STXBP6: variants seen among roughly 807,000 people sequenced by gnomAD.
The protein encoded by STXBP6 is syntaxin-binding protein 6.
STXBP6 carries 21 observed loss-of-function variants against 26.9 expected under a neutral mutation model. The observed-to-expected ratio is 0.78, with a 90% CI of 0.55 to 1.12. The LOEUF is 1.12. STXBP6 is among the 50% of genes most tolerant of loss of function. The pLI is 0.00. For synonymous variants in STXBP6, 97 were observed against 92.6 expected, an observed-to-expected ratio of 1.05 and a Z score of -0.27; for missense variants, 232 against 257.9, an observed-to-expected ratio of 0.90 and a Z score of 0.69.
chr14:24,847,741 C>A (rs1024255242), intron 4 of STXBP6, among the ~76,000 whole-genome samples: 2 of 152,132 alleles, frequency 1.3e-5, no homozygotes, highest in African/African-American at 4.8e-5. Context: ...TATTTCCATT[C>A]TCTTGTAAAG....
At chr14:25,037,402 A>C (rs951517743) in intron 1 of STXBP6, among the ~76,000 whole-genome samples, 2 of 152,166 alleles carry the variant, frequency 1.3e-5, no homozygotes, top group East Asian at 3.8e-4. Flanking sequence ...TGACTTTTAA[A>C]TCATGTTCTC....
intron 2 of STXBP6, among the ~76,000 whole-genome samples, chr14:24,972,320 T>C (rs1248053732): frequency 2.0e-5 from 3 of 152,214 alleles, no homozygotes; most frequent in Non-Finnish European, 4.4e-5. Flanking sequence ...CAGGTCATTA[T>C]CTTCTATGGC....
chr14:25,009,603 G>A (rs940793267), intron 1 of STXBP6, among the ~76,000 whole-genome samples: 29 of 152,082 alleles, frequency 1.9e-4, no homozygotes, highest in African/African-American at 7.0e-4. Context: ...TCGCCACAAC[G>A]TCACCTACTC....
intron 1 of STXBP6, among the ~76,000 whole-genome samples, chr14:24,983,941 TTAAAG>T (rs2074263337): frequency 6.6e-6 from 1 of 152,228 alleles, no homozygotes; most frequent in South Asian, 2.1e-4. Context: ...CAAAACTTCT[TTAAAG>T]TATTCTCTAA....
At chr14:25,004,890 C>G (rs1233940652) in intron 1 of STXBP6, among the ~76,000 whole-genome samples, 14 of 152,158 alleles carry the variant, frequency 9.2e-5, no homozygotes, top group African/African-American at 3.4e-4. Context: ...GGCCTAGGAG[C>G]ATAAATATCC....
In STXBP6 at chr14:24,966,389, G is replaced by GAA. The variant is rs5807270; in HGVS notation, c.154+8274_154+8275dup. Among the ~76,000 whole-genome samples the GAA allele has an allele frequency of 8.4e-4, 119 of 142,402 alleles. 3 individuals carry two copies. Among genetic ancestry groups the GAA allele is most frequent in the Admixed American group, 5.0e-3 (71 of 14,158 alleles). 93.4% of individuals were successfully genotyped at this position (142,402 alleles called of 152,430 possible). ...GTTCTCCAGATCTAGCCCTGTCTTG[G>GAA]AAAAAAAAAAAAAAAATGACAAGTG... is the stretch of plus-strand genomic sequence containing the variant. On this transcript the variant is annotated intron_variant, in intron 2 of 5. Coordinates refer to ENST00000323944, the MANE Select transcript of STXBP6 (RefSeq NM_001394410.1).
intron 1 of STXBP6, among the ~76,000 whole-genome samples, chr14:24,990,871 G>A (rs952863609): frequency 1.3e-5 from 2 of 151,620 alleles, no homozygotes; most frequent in Non-Finnish European, 2.9e-5. Flanking sequence ...AGGAGGGAGA[G>A]AGAGGAAGAG....
At chr14:24,984,394 G>A (rs1331756964) in intron 1 of STXBP6, among the ~76,000 whole-genome samples, 1 of 152,134 alleles carries the variant, frequency 6.6e-6, no homozygotes, top group Non-Finnish European at 1.5e-5. Flanking sequence ...CCAACATGAC[G>A]TCTTCACAGC....
chr14:24,917,899 G>GAC (rs149065539), intron 2 of STXBP6, among the ~76,000 whole-genome samples: 2,062 of 152,134 alleles, frequency 0.014, 51 homozygotes, highest in African/African-American at 0.046. Context: ...ATCCTTGCCG[G>GAC]ACTTCCTCCT....
At chr14:24,910,948 T>C (rs1011240815) in intron 2 of STXBP6, among the ~76,000 whole-genome samples, 6 of 152,118 alleles carry the variant, frequency 3.9e-5, no homozygotes, top group Non-Finnish European at 5.9e-5. Flanking sequence ...CTGTTATCTG[T>C]AACATTAAAA....
At chr14:25,034,446 T>C (rs1385481598) in intron 1 of STXBP6, among the ~76,000 whole-genome samples, 1 of 152,218 alleles carries the variant, frequency 6.6e-6, no homozygotes, top group East Asian at 1.9e-4. Flanking sequence ...ATGCAGTCGC[T>C]CATACTGATG....
At chr14:25,000,590 C>A (rs769624033) in intron 1 of STXBP6, among the ~76,000 whole-genome samples, 2 of 151,126 alleles carry the variant, frequency 1.3e-5, no homozygotes, top group Non-Finnish European at 3.0e-5. Flanking sequence ...AAAACCAGAA[C>A]CTTCTTCCCT....
At chr14:24,882,407 A>AAAAAAAAAAAAAAAC (rs2070404374) in intron 2 of STXBP6, among the ~76,000 whole-genome samples, 1 of 145,580 alleles carries the variant, frequency 6.9e-6, no homozygotes, top group East Asian at 2.0e-4. Flanking sequence ...AAAAAAAAAA[A>AAAAAAAAAAAAAAAC]AAAAAAAGAG....
At chr14:24,866,103 C>T (rs997657860) in intron 2 of STXBP6, among the ~76,000 whole-genome samples, 1 of 152,074 alleles carries the variant, frequency 6.6e-6, no homozygotes. Flanking sequence ...AATCTGTGGA[C>T]TTTGAGTAAA....
chr14:24,855,904 G>A (rs968636037), intron 4 of STXBP6, 32 bp downstream of exon 4: 3 of 1,564,958 alleles, frequency 1.9e-6, no homozygotes, highest in Admixed American at 2.0e-5. Context: ...TAAAGAAACA[G>A]GATGACTAAA....
chr14:24,843,934 A>G (rs2068861827), intron 4 of STXBP6, among the ~76,000 whole-genome samples: 1 of 152,174 alleles, frequency 6.6e-6, no homozygotes, highest in Admixed American at 6.5e-5. Flanking sequence ...TGAGTTTATG[A>G]GGTGACTTTT....
chr14:24,917,665 T>A (rs2071816744), intron 2 of STXBP6, among the ~76,000 whole-genome samples: 1 of 152,022 alleles, frequency 6.6e-6, no homozygotes, highest in Non-Finnish European at 1.5e-5. Flanking sequence ...GAAAAAGACA[T>A]AGATAACAAT....
intron 5 of STXBP6, among the ~76,000 whole-genome samples, chr14:24,818,540 C>T (rs551177945): frequency 1.2e-4 from 18 of 152,262 alleles, no homozygotes; most frequent in African/African-American, 3.6e-4. Flanking sequence ...GAAAACTAGC[C>T]CCGAGGTGCG....
Position 24,867,076 on chromosome 14 carries a change from T to C in STXBP6, c.155-9919A>G, listed in dbSNP as rs79633466. ...AATTCATGTTAAAACTTAATCCCCATTGCAACAGTATTAAGAGTTGGGCCC... is the reference window on the plus strand; with the variant it reads ...AATTCATGTTAAAACTTAATCCCCACTGCAACAGTATTAAGAGTTGGGCCC... On this transcript the variant is annotated intron_variant, in intron 2 of 5. Transcript: ENST00000323944. Among the ~76,000 whole-genome samples, 252 of 152,160 alleles carry C rather than the reference T, an allele frequency of 1.7e-3. 1 individual carries two copies. Among genetic ancestry groups the C allele is most frequent in the Non-Finnish European group, 2.8e-3 (193 of 67,994 alleles).
Sources: allele counts gnomAD v4.1 joint callset (sites outside exome capture counted in the v4.1 genomes callset), GRCh38; gene constraint gnomAD v4.1.1; transcripts MANE v1.5; gene names NCBI Gene and HGNC (gene_info 2026-07-23, HGNC 2026-07-21).